Variants in INTS9 observed in about 807,000 individuals in gnomAD.
INTS9 encodes the protein integrator complex subunit 9.
In INTS9, 55 loss-of-function variants were observed where a neutral mutation model predicts 79.7. The observed-to-expected ratio is 0.69, with a 90% CI of 0.56 to 0.86. The LOEUF is 0.86. Ranked by LOEUF, INTS9 falls within the 40% of genes least tolerant of loss-of-function variation. INTS9 has a pLI of 0.00. For missense variants in INTS9, 721 were observed against 831.5 expected (o/e 0.87, Z 1.64); for synonymous variants, 319 against 325.2 (o/e 0.98, Z 0.20).
chr8:28,833,762 G>C (rs917881898), intron 6 of INTS9, among the ~76,000 whole-genome samples: 1 of 152,022 alleles, frequency 6.6e-6, no homozygotes, highest in Non-Finnish European at 1.5e-5. Context: ...GGGGCCTGGA[G>C]ATGAAGGCAG....
At chr8:28,850,753 C>T (rs1160234968) in intron 2 of INTS9, among the ~76,000 whole-genome samples, 1 of 152,160 alleles carries the variant, frequency 6.6e-6, no homozygotes, top group East Asian at 1.9e-4. Context: ...AATTCCAGTC[C>T]AATCCACGCT....
At chr8:28,871,523 G>A (rs1036809412) in intron 1 of INTS9, among the ~76,000 whole-genome samples, 8 of 152,008 alleles carry the variant, frequency 5.3e-5, no homozygotes, top group African/African-American at 1.9e-4. Flanking sequence ...TCCCACCTCA[G>A]CCTCCTAAGT....
At chr8:28,866,968 G>C (rs1045772516) in intron 1 of INTS9, among the ~76,000 whole-genome samples, 2 of 142,766 alleles carry the variant, frequency 1.4e-5, no homozygotes, top group African/African-American at 2.9e-5. Context: ...GAGCGAAACT[G>C]TCAAAAAAGA....
intron 11 of INTS9, among the ~76,000 whole-genome samples, chr8:28,786,464 G>A (rs184576163): frequency 8.5e-5 from 13 of 152,090 alleles, no homozygotes; most frequent in Non-Finnish European, 1.8e-4. Flanking sequence ...CTAATTTTTT[G>A]TATTTTTTTG....
At chr8:28,881,433 G>T (rs1407283490) in intron 1 of INTS9, among the ~76,000 whole-genome samples, 1 of 149,392 alleles carries the variant, frequency 6.7e-6, no homozygotes, top group Non-Finnish European at 1.5e-5. Flanking sequence ...GAGGTGGGGG[G>T]GTCAGCCCCC....
intron 5 of INTS9, among the ~76,000 whole-genome samples, chr8:28,836,021 G>A (rs1585439589): frequency 6.6e-6 from 1 of 152,086 alleles, no homozygotes; most frequent in Non-Finnish European, 1.5e-5. Flanking sequence ...TGTTGGCCAG[G>A]CTGGTCTTGA....
At chr8:28,851,051 T>A (rs1807799828) in intron 2 of INTS9, among the ~76,000 whole-genome samples, 1 of 152,200 alleles carries the variant, frequency 6.6e-6, no homozygotes, top group South Asian at 2.1e-4. Context: ...GAAAACAGTA[T>A]GCTGGTAAAA....
chr8:28,805,762 A>C (rs1452829459), intron 8 of INTS9, among the ~76,000 whole-genome samples: 2 of 152,188 alleles, frequency 1.3e-5, no homozygotes, highest in Non-Finnish European at 2.9e-5. Context: ...AACTCAGAAG[A>C]ATAAAAATAA....
chr8:28,819,492 G>C (rs960988229), intron 6 of INTS9, among the ~76,000 whole-genome samples: 36 of 152,272 alleles, frequency 2.4e-4, no homozygotes, highest in African/African-American at 8.7e-4. Context: ...CTGAGTTCTA[G>C]TTTGATTGCA....
intron 10 of INTS9, among the ~76,000 whole-genome samples, chr8:28,792,586 C>A (rs1803977629): frequency 6.6e-6 from 1 of 151,872 alleles, no homozygotes; most frequent in Non-Finnish European, 1.5e-5. Flanking sequence ...CTGGTGCAAT[C>A]AGAATAAAGA....
At chr8:28,805,932 T>TA (rs376083235) in intron 8 of INTS9, among the ~76,000 whole-genome samples, 15 of 148,804 alleles carry the variant, frequency 1.0e-4, no homozygotes, top group African/African-American at 1.5e-4. Flanking sequence ...GACACTAGAT[T>TA]AAAAAAAAAA....
intron 1 of INTS9, among the ~76,000 whole-genome samples, chr8:28,884,168 C>CTTTTTTTTT (rs35799882): frequency 8.5e-5 from 4 of 46,976 alleles, no homozygotes; most frequent in Admixed American, 3.0e-4. Context: ...ATCAGTGTAT[C>CTTTTTTTTT]TTTTTTTTTT....
At chr8:28,820,111 G>T (rs1177009602) in intron 6 of INTS9, among the ~76,000 whole-genome samples, 1 of 152,080 alleles carries the variant, frequency 6.6e-6, no homozygotes, top group Non-Finnish European at 1.5e-5. Flanking sequence ...TATCCAATTT[G>T]CCAGTCTGTG....
At chr8:28,843,586 T>C (rs1208036819) in intron 4 of INTS9, among the ~76,000 whole-genome samples, 1 of 152,218 alleles carries the variant, frequency 6.6e-6, no homozygotes, top group Non-Finnish European at 1.5e-5. Flanking sequence ...GCCTTTCTTA[T>C]AGTAGACTTG....
At chr8:28,834,178 C>T (rs1436648591) in intron 6 of INTS9, among the ~76,000 whole-genome samples, 1 of 152,192 alleles carries the variant, frequency 6.6e-6, no homozygotes, top group African/African-American at 2.4e-5. Flanking sequence ...TAGACTTCAG[C>T]TTCATGCTCA....
At chr8:28,789,142 G>C (rs1186467176) in intron 10 of INTS9, among the ~76,000 whole-genome samples, 1 of 152,184 alleles carries the variant, frequency 6.6e-6, no homozygotes, top group Non-Finnish European at 1.5e-5. Flanking sequence ...ATAGACACTA[G>C]TTCTGTCTTT....
In INTS9 at chr8:28,828,273, C is replaced by G. The variant is rs188357647; in HGVS notation, c.488+7019G>C. The stretch of plus-strand genomic sequence containing the variant: ...TCTGTCCACTTAGCTACCTTGCTTT[C>G]GTCAGAAAGGCAGTGTCTGAAAGTA... On this transcript the variant is annotated intron_variant, in intron 6 of 16. Transcript: ENST00000521022. Among the ~76,000 whole-genome samples, 151 of 152,290 alleles carry G rather than the reference C, an allele frequency of 9.9e-4. 1 individual carries two copies. Among genetic ancestry groups the G allele is most frequent in the African/African-American group, 3.6e-3 (149 of 41,562 alleles).
At chr8:28,780,688 T>G in intron 12 of INTS9, 135 bp downstream of exon 12, 2 of 1,457,156 alleles carry the variant, frequency 1.4e-6, no homozygotes, top group Non-Finnish European at 1.8e-6. Flanking sequence ...TCTTCATTCT[T>G]TGGTACCTAC....
intron 10 of INTS9, among the ~76,000 whole-genome samples, chr8:28,792,245 A>T (rs1286290506): frequency 6.6e-6 from 1 of 152,180 alleles, no homozygotes; most frequent in African/African-American, 2.4e-5. Flanking sequence ...TAAGTACTTG[A>T]CTACTTGGGA....
Sources: gnomAD v4.1 joint callset for allele counts (sites outside exome capture counted in the v4.1 genomes callset) on GRCh38, gnomAD v4.1.1 for gene constraint, MANE v1.5 for transcripts, NCBI Gene and HGNC (gene_info 2026-07-23, HGNC 2026-07-21) for gene names.